The following CACNA1D variants were observed in gnomAD, a reference collection of about 807,000 sequenced individuals.
CACNA1D encodes voltage-dependent L-type calcium channel subunit alpha-1D.
Under a neutral mutation model 257.1 loss-of-function variants are expected in CACNA1D, and 55 were observed. That is an observed-to-expected ratio of 0.21 (90% confidence interval 0.17 to 0.27). The LOEUF is 0.27. Ranked by LOEUF, CACNA1D falls within the 10% of genes least tolerant of loss-of-function variation. CACNA1D has a pLI of 1.00. For missense variants in CACNA1D, 1,876 were observed against 2,784.0 expected (o/e 0.67, Z 7.34); for synonymous variants, 980 against 1,014.9 (o/e 0.97, Z 0.65).
At position 53,660,178 on chromosome 3, in the gene CACNA1D, C is replaced by T. The variant is rs756461282; in HGVS notation, c.669C>T (p.Gly223=). Residue 223 remains glycine (G), a synonymous_variant, in exon 5 of 48, where the codon GGC becomes GGT. Coordinates refer to ENST00000350061, the MANE Select transcript of CACNA1D (RefSeq NM_001128840.3). ...ILEQLTKETE[G]GNHSSGKSGG... ...AACAATTAACCAAAGAAACAGAAGGCGGGAACCACTCAAGCGGCAAATCTG... is the reference window on the plus strand; with the variant it reads ...AACAATTAACCAAAGAAACAGAAGGTGGGAACCACTCAAGCGGCAAATCTG... 22 of 1,613,596 alleles carry T rather than the reference C, an allele frequency of 1.4e-5. 2 individuals are homozygous for T. In the Middle Eastern group the frequency reaches 4.9e-4, roughly 36 times the overall value.
In CACNA1D at chr3:53,751,915, T is replaced by C; in HGVS notation, c.3675+8T>C. ...CTCTGCTTGGCCATGCAGGTAAAAA[T>C]GGAGACAGCCGTGGGGATCAGGTCC... On this transcript the variant is annotated splice_region_variant and intron_variant, in intron 28 of 47. Transcript: ENST00000350061. This position sits in a 1 kb window ranked among gnomAD's most constrained non-coding sequence, Gnocchi z 4.3. 1 of 1,613,788 alleles carries C rather than the reference T, an allele frequency of 6.2e-7. No homozygotes were observed. The highest frequency in any genetic ancestry group is 1.1e-5 in the South Asian group (1 of 91,062).
intron 3 of CACNA1D, among the ~76,000 whole-genome samples, chr3:53,526,299 G>A (rs1435202373): frequency 6.6e-6 from 1 of 152,192 alleles, no homozygotes; most frequent in Non-Finnish European, 1.5e-5. Context: ...GGTTATTGGG[G>A]AAAGGTAATG....
At chr3:53,630,029 A>G (rs1185751767) in intron 3 of CACNA1D, among the ~76,000 whole-genome samples, 1 of 152,194 alleles carries the variant, frequency 6.6e-6, no homozygotes, top group African/African-American at 2.4e-5. Flanking sequence ...ACCTGTCCTT[A>G]TATTTGACCT....
chr3:53,658,574 T>G (rs2108317411), intron 4 of CACNA1D, among the ~76,000 whole-genome samples: 1 of 152,370 alleles, frequency 6.6e-6, no homozygotes. Flanking sequence ...TAAATTACTT[T>G]GCTAACCCTT....
chr3:53,691,590 G>A (rs2094519696), intron 8 of CACNA1D, among the ~76,000 whole-genome samples: 1 of 148,128 alleles, frequency 6.8e-6, no homozygotes, highest in Non-Finnish European at 1.5e-5. Flanking sequence ...CTCAAACAAG[G>A]AGATACAGTG....
At chr3:53,558,315 T>C (rs1478179626) in intron 3 of CACNA1D, among the ~76,000 whole-genome samples, 1 of 152,232 alleles carries the variant, frequency 6.6e-6, no homozygotes, top group Non-Finnish European at 1.5e-5. Context: ...GAAGTGTTTA[T>C]GAAGGATTGA....
At chr3:53,759,298 G>A (rs1205558044) in intron 29 of CACNA1D, among the ~76,000 whole-genome samples, 1 of 152,246 alleles carries the variant, frequency 6.6e-6, no homozygotes, top group African/African-American at 2.4e-5. Flanking sequence ...GATGGAAATG[G>A]CCTGAAGGGG....
chr3:53,534,248 C>G (rs988502657), intron 3 of CACNA1D, among the ~76,000 whole-genome samples: 1 of 152,182 alleles, frequency 6.6e-6, no homozygotes, highest in Admixed American at 6.5e-5. Flanking sequence ...GGGCAGGCCT[C>G]GCCTCCCTGC....
At position 53,643,359 on chromosome 3, in the gene CACNA1D, A is replaced by G. The variant is rs527238342; in HGVS notation, c.484-7420A>G. On this transcript the variant is annotated intron_variant, in intron 3 of 47. Coordinates refer to ENST00000350061, the MANE Select transcript of CACNA1D (RefSeq NM_001128840.3). ...GTGGTTTACCCACCAAAATTTTACT[A>G]GAGGTTGAATCGGCTTGTAGAAGCT... is the stretch of plus-strand genomic sequence containing the variant. 2.0e-5 allele frequency among the ~76,000 whole-genome samples: 3 copies of G among 152,160 alleles called. 1 individual carries two copies. The South Asian group carries it at 6.2e-4, about 32-fold the overall frequency.
intron 7 of CACNA1D, among the ~76,000 whole-genome samples, chr3:53,668,485 C>G (rs549244255): frequency 6.6e-6 from 1 of 152,158 alleles, no homozygotes; most frequent in African/African-American, 2.4e-5. Flanking sequence ...TAATTGCACT[C>G]TCCATAAATT....
intron 18 of CACNA1D, 56 bp downstream of exon 18, chr3:53,732,138 T>C: frequency 7.6e-7 from 1 of 1,323,408 alleles, no homozygotes; most frequent in Non-Finnish European, 1.1e-6. Context: ...GCTACTGCTC[T>C]GTGACCACCT....
chr3:53,564,270 C>T (rs549624133), intron 3 of CACNA1D, among the ~76,000 whole-genome samples: 1 of 152,060 alleles, frequency 6.6e-6, no homozygotes, highest in Non-Finnish European at 1.5e-5. Context: ...AAATGATTCT[C>T]CTGCCTCAGC....
intron 29 of CACNA1D, among the ~76,000 whole-genome samples, chr3:53,760,010 T>C (rs1177268819): frequency 3.3e-5 from 5 of 152,176 alleles, no homozygotes; most frequent in Non-Finnish European, 4.4e-5. Flanking sequence ...TCATCAGATT[T>C]GGGGCTCACA....
intron 8 of CACNA1D, among the ~76,000 whole-genome samples, chr3:53,686,195 C>T (rs1468974933): frequency 6.6e-6 from 1 of 151,844 alleles, no homozygotes; most frequent in Non-Finnish European, 1.5e-5. Context: ...AATTCAGAAT[C>T]GCAAACAGAA....
chr3:53,804,325 A>G (rs72979962), intron 44 of CACNA1D, among the ~76,000 whole-genome samples: 2,383 of 152,052 alleles, frequency 0.016, 77 homozygotes, highest in African/African-American at 0.055. Flanking sequence ...TTCTGAAACC[A>G]CTGACTCTGA....
At chr3:53,580,361 G>A (rs542520935) in intron 3 of CACNA1D, among the ~76,000 whole-genome samples, 26 of 152,302 alleles carry the variant, frequency 1.7e-4, no homozygotes, top group Non-Finnish European at 1.9e-4. Context: ...GCCAGTGCTC[G>A]CCGCCAGGTA....
intron 3 of CACNA1D, among the ~76,000 whole-genome samples, chr3:53,552,765 A>G (rs2092561202): frequency 6.6e-6 from 1 of 152,204 alleles, no homozygotes; most frequent in Non-Finnish European, 1.5e-5. Context: ...TAGAAAGATA[A>G]CATGTTACCA....
intron 29 of CACNA1D, among the ~76,000 whole-genome samples, chr3:53,757,404 C>T (rs2095272219): frequency 6.6e-6 from 1 of 152,188 alleles, no homozygotes; most frequent in South Asian, 2.1e-4. Context: ...TGGTAAGATG[C>T]ATACATGCCA....
chr3:53,601,462 C>G (rs1051481406), intron 3 of CACNA1D, among the ~76,000 whole-genome samples: 1 of 152,190 alleles, frequency 6.6e-6, no homozygotes, highest in East Asian at 1.9e-4. Context: ...TAAAACAGAC[C>G]CTGGGATTCT....
Sources: gnomAD v4.1 joint callset for allele counts (sites outside exome capture counted in the v4.1 genomes callset) on GRCh38, gnomAD v4.1.1 for gene constraint, Gnocchi (gnomAD v3.1) non-coding constraint, MANE v1.5 for transcripts, NCBI Gene and HGNC (gene_info 2026-07-23, HGNC 2026-07-21) for gene names.